The following SLC35E2B variants were observed in gnomAD, a reference collection of about 807,000 sequenced individuals.
SLC35E2B encodes the protein solute carrier family 35, member E2B.
In SLC35E2B, 18 loss-of-function variants were observed where a neutral mutation model predicts 32.4. The ratio of observed to expected loss-of-function variants is 0.56; its 90% CI spans 0.38 to 0.82. SLC35E2B has a LOEUF of 0.82. SLC35E2B is among the 40% of genes least tolerant of loss of function. SLC35E2B has a pLI of 0.00. For missense variants in SLC35E2B, 263 were observed against 469.5 expected, an observed-to-expected ratio of 0.56 and a Z score of 4.06; for synonymous variants, 132 against 209.1, an observed-to-expected ratio of 0.63 and a Z score of 3.18.
At chr1:1,666,862 G>A (rs563257792) in intron 9 of SLC35E2B, among the ~76,000 whole-genome samples, 1 of 152,028 alleles carries the variant, frequency 6.6e-6, no homozygotes, top group Admixed American at 6.5e-5. Context: ...TCCCAGCACT[G>A]TGGGAGGCCG....
At chr1:1,692,134 T>G (rs1644021703) in intron 1 of SLC35E2B, among the ~76,000 whole-genome samples, 1 of 101,610 alleles carries the variant, frequency 9.8e-6, no homozygotes, top group Non-Finnish European at 2.0e-5. Flanking sequence ...TTTTTGCGTG[T>G]TTTGTTTTGT....
intron 9 of SLC35E2B, among the ~76,000 whole-genome samples, chr1:1,666,224 T>C (rs1643542945): frequency 6.6e-6 from 1 of 152,084 alleles, no homozygotes; most frequent in African/African-American, 2.4e-5. Context: ...GGGACCTCGG[T>C]GGTGGTGAGA....
intron 9 of SLC35E2B, among the ~76,000 whole-genome samples, chr1:1,666,508 G>T (rs1400661393): frequency 6.6e-6 from 1 of 152,132 alleles, no homozygotes; most frequent in Non-Finnish European, 1.5e-5. Context: ...TCATAGGCGT[G>T]AGCCACCACA....
chr1:1,667,803 T>C (rs1643583937), intron 9 of SLC35E2B, among the ~76,000 whole-genome samples: 1 of 152,018 alleles, frequency 6.6e-6, no homozygotes, highest in African/African-American at 2.4e-5. Context: ...TTTCCCTAAA[T>C]ACCTATTTCA....
intron 9 of SLC35E2B, among the ~76,000 whole-genome samples, chr1:1,666,787 G>A (rs1456884351): frequency 6.6e-6 from 1 of 151,234 alleles, no homozygotes; most frequent in Non-Finnish European, 1.5e-5. Flanking sequence ...TGGGAGGCCG[G>A]GCACGGGGGC....
chr1:1,673,268 C>T (rs1255080374), intron 5 of SLC35E2B: 3 of 464,028 alleles, frequency 6.5e-6, no homozygotes, highest in African/African-American at 4.0e-5. Flanking sequence ...CCCTGGTGTT[C>T]TTGCCTTCTT....
At chr1:1,685,192 C>A (rs1370841574) in intron 2 of SLC35E2B, among the ~76,000 whole-genome samples, 7 of 151,294 alleles carry the variant, frequency 4.6e-5, no homozygotes, top group Admixed American at 4.6e-4. Flanking sequence ...GAGACCGAGG[C>A]AGGAGGATTG....
chr1:1,672,947 C>G lies in SLC35E2B; in HGVS notation c.587-1318G>C, dbSNP rs529927731. On this transcript the variant is annotated intron_variant, in intron 5 of 9. Transcript: ENST00000617444. ...TGTTGTCAGCAAGAGAGTTGGTTTT[C>G]TAACATCTCATCGACCATGGCTGGA... 1.3e-3 allele frequency: 192 copies of G among 153,540 alleles called. 1 individual carries two copies. Among genetic ancestry groups the G allele is most frequent in the Non-Finnish European group, 2.4e-3 (167 of 68,832 alleles). 9.5% of individuals were successfully genotyped at this position (153,540 alleles called of 1,614,324 possible).
intron 5 of SLC35E2B, chr1:1,673,215 C>CA (rs1339701304): frequency 5.4e-6 from 2 of 370,770 alleles, no homozygotes; most frequent in African/African-American, 4.3e-5. Flanking sequence ...ATAGAAAACA[C>CA]AAAAATGAGG....
At chr1:1,680,682 A>G (rs965118615) in intron 2 of SLC35E2B, among the ~76,000 whole-genome samples, 9 of 151,886 alleles carry the variant, frequency 5.9e-5, no homozygotes, top group Admixed American at 2.6e-4. Context: ...CACTACCATG[A>G]ACCGTCCTCA....
At chr1:1,678,692 T>C (rs1032882718) in intron 2 of SLC35E2B, among the ~76,000 whole-genome samples, 2 of 151,814 alleles carry the variant, frequency 1.3e-5, no homozygotes, top group African/African-American at 4.8e-5. Context: ...CCACTGACAG[T>C]GCCAGATCTC....
chr1:1,673,369 G>C (rs1217987547), intron 5 of SLC35E2B: 1 of 450,448 alleles, frequency 2.2e-6, no homozygotes, highest in African/African-American at 2.0e-5. Flanking sequence ...GAAGTTGGTG[G>C]TGGTGAGAAA....
At chr1:1,687,243 C>T (rs972617408) in intron 2 of SLC35E2B, among the ~76,000 whole-genome samples, 1 of 152,102 alleles carries the variant, frequency 6.6e-6, no homozygotes, top group Non-Finnish European at 1.5e-5. Context: ...ACCTGCACAG[C>T]GCGCTCCCAG....
Position 1,690,313 on chromosome 1 carries a change from T to A in SLC35E2B, c.-148+663A>T, listed in dbSNP as rs1352812563. Among the ~76,000 whole-genome samples, 35 of 136,406 alleles carry A rather than the reference T, an allele frequency of 2.6e-4. 1 individual carries two copies. The highest frequency in any genetic ancestry group is 4.9e-4 in the African/African-American group (18 of 36,988). The allele number at this position is 136,406 out of a possible 152,430, so 89.5% of individuals were successfully genotyped here. A position where few individuals can be genotyped will look rare whatever the true frequency, so the allele number is the denominator to read the frequency against. On this transcript the variant is annotated intron_variant, in intron 2 of 9. Coordinates refer to ENST00000617444, the MANE Select transcript of SLC35E2B (RefSeq NM_001290264.2). ...AAAAAAAGAAACAAAAAAAAATATATATATATATATACATACCATAAAGTG... is the reference window on the plus strand; with the variant it reads ...AAAAAAAGAAACAAAAAAAAATATAAATATATATATACATACCATAAAGTG...
Position 1,670,235 on chromosome 1 carries a change from A to G in SLC35E2B, c.708-84T>C, listed in dbSNP as rs1643651785. ...GGAGAAGGTGTCTGCGCTCACACGGAGCGATGGCGACAATGACCAGACCTC... is the reference window on the plus strand; with the variant it reads ...GGAGAAGGTGTCTGCGCTCACACGGGGCGATGGCGACAATGACCAGACCTC... On this transcript the variant is annotated intron_variant, in intron 6 of 9. Transcript: ENST00000617444. The G allele has an allele frequency of 4.0e-6, 4 of 1,012,588 alleles. 1 individual carries two copies. The South Asian group carries it at 5.5e-5, about 14-fold the overall frequency. 62.7% of individuals were successfully genotyped at this position (1,012,588 alleles called of 1,614,324 possible).
intron 2 of SLC35E2B, among the ~76,000 whole-genome samples, chr1:1,679,823 C>T (rs1470813240): frequency 4.3e-5 from 6 of 139,792 alleles, no homozygotes; most frequent in South Asian, 2.3e-4. Flanking sequence ...CAGAGCGAGA[C>T]TCCCGTCAAA....
chr1:1,686,576 G>A (rs538505759), intron 2 of SLC35E2B, among the ~76,000 whole-genome samples: 35 of 151,664 alleles, frequency 2.3e-4, no homozygotes, highest in African/African-American at 7.5e-4. Context: ...CTGAGGTCAG[G>A]AGTTCATGGT....
chr1:1,688,324 C>T (rs906661395), intron 2 of SLC35E2B, among the ~76,000 whole-genome samples: 13 of 152,126 alleles, frequency 8.5e-5, no homozygotes, highest in African/African-American at 3.1e-4. Context: ...AGCTTAGAAA[C>T]GGCCGGGCGC....
At chr1:1,669,926 G>A in intron 7 of SLC35E2B, 172 bp downstream of exon 7, 1 of 848,274 alleles carries the variant, frequency 1.2e-6, no homozygotes, top group Non-Finnish European at 1.9e-6. Flanking sequence ...GGGGCTCAAG[G>A]GAGTAGCTGA....
Sources: gnomAD v4.1 joint callset for allele counts (sites outside exome capture counted in the v4.1 genomes callset) on GRCh38, gnomAD v4.1.1 for gene constraint, MANE v1.5 for transcripts, NCBI Gene and HGNC (gene_info 2026-07-23, HGNC 2026-07-21) for gene names.